WDPCP: variants seen among roughly 807,000 people sequenced by gnomAD.
WDPCP encodes the protein WD repeat-containing and planar cell polarity effector protein fritz homolog.
A neutral mutation model predicts 93.1 loss-of-function variants in WDPCP; 71 were observed. That is an observed-to-expected ratio of 0.76 (90% CI 0.63 to 0.93). WDPCP has a LOEUF of 0.93. Ranked by LOEUF, WDPCP falls within the 40% of genes least tolerant of loss-of-function variation. The probability of loss-of-function intolerance (pLI) is 0.00; values close to 1 mark genes in which losing one functional copy is unlikely to be tolerated. For synonymous variants in WDPCP, 315 were observed against 315.0 expected, an observed-to-expected ratio of 1.00 and a Z score of 0.00; for missense variants, 844 against 887.4, an observed-to-expected ratio of 0.95 and a Z score of 0.62.
At chr2:63,674,878 A>G (rs562466770) in intron 2 of WDPCP, among the ~76,000 whole-genome samples, 2 of 152,314 alleles carry the variant, frequency 1.3e-5, no homozygotes, top group East Asian at 3.9e-4. Context: ...CTTGTAAGTA[A>G]ATATCTGGTC....
chr2:63,174,093 C>G (rs1673610126), intron 15 of WDPCP, among the ~76,000 whole-genome samples: 1 of 152,104 alleles, frequency 6.6e-6, no homozygotes, highest in Non-Finnish European at 1.5e-5. Flanking sequence ...AATATTTGCT[C>G]TTTAGCCCTT....
chr2:63,703,313 G>A (rs1669091947), intron 2 of WDPCP, among the ~76,000 whole-genome samples: 1 of 152,138 alleles, frequency 6.6e-6, no homozygotes, highest in African/African-American at 2.4e-5. Flanking sequence ...TTCCACAATG[G>A]TTGAACTAGT....
In WDPCP at chr2:63,450,712, T is replaced by A. The variant is rs572885764; in HGVS notation, c.385-10841A>T. On this transcript the variant is annotated intron_variant, in intron 6 of 17. Coordinates refer to ENST00000272321, the MANE Select transcript of WDPCP (RefSeq NM_015910.7). ...CACAAATAACCACACCCTAAACCAC[T>A]GAGGAAATCACAGATACCACTGATG... Among the ~76,000 whole-genome samples the A allele has an allele frequency of 1.4e-4, 21 of 152,106 alleles. No homozygotes were observed. In the South Asian group the frequency reaches 4.4e-3, roughly 32 times the overall value.
intron 3 of WDPCP, among the ~76,000 whole-genome samples, chr2:63,632,429 G>T (rs1366989022): frequency 6.6e-6 from 1 of 152,100 alleles, no homozygotes; most frequent in Non-Finnish European, 1.5e-5. Context: ...TTGTTTAAAG[G>T]AAGTTCAGTA....
In WDPCP at chr2:63,762,857, A is replaced by G. The variant is rs547748389; in HGVS notation, n.308+50765T>C. 1.9e-3 allele frequency among the ~76,000 whole-genome samples: 293 copies of G among 152,262 alleles called. 3 individuals carry two copies. Among genetic ancestry groups the G allele is most frequent in the Non-Finnish European group, 5.0e-4 (34 of 68,010 alleles). On this transcript the variant is annotated intron_variant and non_coding_transcript_variant, in intron 2 of 4. Transcript: ENST00000467687. ...ACATTGCGGATTAAGTTTCAACATG[A>G]ATTTTGGAGGGGCTATTCAAACCAC...
intron 1 of WDPCP, among the ~76,000 whole-genome samples, chr2:63,504,058 A>G (rs1252068622): frequency 6.6e-6 from 1 of 152,034 alleles, no homozygotes; most frequent in Non-Finnish European, 1.5e-5. Context: ...TGAAAAACAA[A>G]CTCTAGTAAC....
chr2:63,685,084 C>A (rs953296693), intron 2 of WDPCP, among the ~76,000 whole-genome samples: 1 of 151,744 alleles, frequency 6.6e-6, no homozygotes, highest in Non-Finnish European at 1.5e-5. Context: ...AAACCAAACT[C>A]AAAATTGTAG....
chr2:63,232,449 T>G (rs530796690), intron 14 of WDPCP: 3 of 152,234 alleles, frequency 2.0e-5, no homozygotes, highest in Non-Finnish European at 4.4e-5. Flanking sequence ...TAGACACAGA[T>G]TTTGTTGCTG....
chr2:63,228,139 A>G (rs1452438255), intron 14 of WDPCP, among the ~76,000 whole-genome samples: 3 of 152,082 alleles, frequency 2.0e-5, no homozygotes, highest in Admixed American at 6.6e-5. Flanking sequence ...TCTTCTGAAA[A>G]TCTCCAAGTT....
At chr2:63,650,813 G>A (rs1043191447) in exon 3 of WDPCP, 30 of 152,228 alleles carry the variant, frequency 2.0e-4, no homozygotes, top group African/African-American at 6.8e-4. Flanking sequence ...GCAATGAGAG[G>A]TGCAATGCAT....
At chr2:63,207,877 C>G (rs1396561879) in intron 14 of WDPCP, among the ~76,000 whole-genome samples, 1 of 152,062 alleles carries the variant, frequency 6.6e-6, no homozygotes, top group Non-Finnish European at 1.5e-5. Flanking sequence ...TCTTCTTTGC[C>G]TATCATCTTT....
chr2:63,594,494 CCAAT>C (rs1405639137), intron 3 of WDPCP: 1 of 1,612,108 alleles, frequency 6.2e-7, no homozygotes, highest in Non-Finnish European at 8.5e-7. Context: ...ACAGTCTGAA[CCAAT>C]CAGAGTCCTT....
chr2:63,345,422 A>G (rs1689123142), intron 12 of WDPCP, among the ~76,000 whole-genome samples: 2 of 152,172 alleles, frequency 1.3e-5, no homozygotes, highest in South Asian at 4.1e-4. Context: ...TTGGCAGGAC[A>G]CAGATAGGCA....
At chr2:63,253,270 CCATAT>C (rs537782613) in intron 14 of WDPCP, among the ~76,000 whole-genome samples, 3 of 151,978 alleles carry the variant, frequency 2.0e-5, no homozygotes, top group Non-Finnish European at 2.9e-5. Flanking sequence ...TGACCTCATA[CCATAT>C]AAGAATCCTA....
chr2:63,804,498 A>G (rs4671533), intron 2 of WDPCP, among the ~76,000 whole-genome samples: 111,685 of 150,862 alleles, frequency 0.74, 41,756 homozygotes, highest in East Asian at 0.9. Context: ...CTCGTGATCC[A>G]CCAGCCTCGG....
chr2:63,835,115 C>T, the WDPCP span, among the ~76,000 whole-genome samples: 1 of 151,496 alleles, frequency 6.6e-6, no homozygotes, highest in African/African-American at 2.4e-5. Context: ...AGCCAGGCGT[C>T]ATGGCTCAAA....
intron 2 of WDPCP, among the ~76,000 whole-genome samples, chr2:63,725,446 C>T (rs58504126): frequency 0.017 from 2,533 of 152,226 alleles, 22 homozygotes; most frequent in African/African-American, 0.017. Flanking sequence ...CAGTCCAACA[C>T]TGATGGGCAT....
intron 2 of WDPCP, among the ~76,000 whole-genome samples, chr2:63,745,243 T>C (rs916904389): frequency 6.6e-6 from 1 of 152,226 alleles, no homozygotes; most frequent in Non-Finnish European, 1.5e-5. Flanking sequence ...ATTGGTTTGT[T>C]CTGCCCTTTA....
At chr2:63,234,806 A>G (rs1679240612) in intron 14 of WDPCP, among the ~76,000 whole-genome samples, 1 of 152,180 alleles carries the variant, frequency 6.6e-6, no homozygotes, top group Admixed American at 6.6e-5. Flanking sequence ...TTGAGAAGAA[A>G]TGCCCTCTTT....
Sources: allele counts gnomAD v4.1 joint callset (sites outside exome capture counted in the v4.1 genomes callset), GRCh38; gene constraint gnomAD v4.1.1; transcripts MANE v1.5; gene names NCBI Gene and HGNC (gene_info 2026-07-23, HGNC 2026-07-21).